Variants in ADAMTS16 observed in about 807,000 individuals in gnomAD.
The protein encoded by ADAMTS16 is A disintegrin and metalloproteinase with thrombospondin motifs 16.
Under a neutral mutation model 145.8 loss-of-function variants are expected in ADAMTS16, and 94 were observed. The ratio of observed to expected loss-of-function variants is 0.64; its 90% CI spans 0.55 to 0.77. The LOEUF (loss-of-function observed/expected upper bound fraction) is 0.77. Among genes scored for constraint, ADAMTS16 ranks in the 30% least tolerant of loss-of-function variants. ADAMTS16 has a pLI of 0.00. For synonymous variants in ADAMTS16, 659 were observed against 604.3 expected (o/e 1.09, Z -1.33); for missense variants, 1,585 against 1,591.5 (o/e 1.00, Z 0.07).
chr5:5,247,125 T>G (rs1439960469), intron 17 of ADAMTS16, among the ~76,000 whole-genome samples: 1 of 152,132 alleles, frequency 6.6e-6, no homozygotes, highest in Non-Finnish European at 1.5e-5. Flanking sequence ...CTGCTTCAAA[T>G]GAGATCTTCC....
Position 5,182,318 on chromosome 5 carries a change from G to T in ADAMTS16, c.763+13G>T, listed in dbSNP as rs571172478. On this transcript the variant is annotated intron_variant, in intron 4 of 22. Transcript: ENST00000274181. ...AGACGCAAGAAATGTATGTAAGGGCGAATCTTTGTGTGTATTTAGTGATGC... is the reference window on the plus strand; with the variant it reads ...AGACGCAAGAAATGTATGTAAGGGCTAATCTTTGTGTGTATTTAGTGATGC... 6.2e-7 allele frequency: 1 copy of T among 1,601,998 alleles called. No individual in the cohort carries two copies. Among genetic ancestry groups the T allele is most frequent in the African/African-American group, 1.3e-5 (1 of 74,628 alleles).
chr5:5,234,416 A>ACAGCCCTGC (rs1488356379), intron 12 of ADAMTS16, among the ~76,000 whole-genome samples: 9 of 152,176 alleles, frequency 5.9e-5, no homozygotes, highest in Non-Finnish European at 1.0e-4. Flanking sequence ...CAGGGTGAGG[A>ACAGCCCTGC]CAGCCCTGCC....
Position 5,180,477 on chromosome 5 carries a change from A to G in ADAMTS16, c.502-1567A>G, listed in dbSNP as rs544676530. On this transcript the variant is annotated intron_variant, in intron 3 of 22. Coordinates refer to ENST00000274181, the MANE Select transcript of ADAMTS16 (RefSeq NM_139056.4). ...ACAGACCTGAACTTGAGTAGTGCAG[A>G]GAGCTATAAAAAGGAAGTATAATCT... 4.6e-5 allele frequency among the ~76,000 whole-genome samples: 7 copies of G among 152,324 alleles called. No homozygotes were observed. In the South Asian group the frequency reaches 1.5e-3, roughly 32 times the overall value.
chr5:5,232,493 G>A lies in ADAMTS16; in HGVS notation c.1827G>A (p.Arg609=), dbSNP rs1217951355. Residue 609 remains arginine, a synonymous_variant, in exon 12 of 23, where the codon AGG becomes AGA. Coordinates refer to ENST00000274181, the MANE Select transcript of ADAMTS16 (RefSeq NM_139056.4). The stretch of plus-strand genomic sequence containing the variant: ...CCTGCGGAGGGGGAGTATCTCATAG[G>A]AGTCGCCTCTGCACCAACCCCAAGT... ...SRTCGGGVSH[R]SRLCTNPKPS... 1.9e-6 allele frequency: 3 copies of A among 1,613,792 alleles called. No homozygotes were observed. The highest frequency in any genetic ancestry group is 4.5e-5 in the East Asian group (2 of 44,878).
In ADAMTS16 at chr5:5,182,301, G is replaced by T. The variant is rs750965156; in HGVS notation, c.759G>T (p.Lys253Asn). 24 of 1,611,398 alleles carry T rather than the reference G, an allele frequency of 1.5e-5. No homozygotes were observed. Among genetic ancestry groups the T allele is most frequent in the Non-Finnish European group, 1.8e-5 (21 of 1,178,052 alleles). The change falls in exon 4 of 23, where the codon AAG (lysine) becomes AAT (asparagine). Residue 253 changes from lysine to asparagine, a missense_variant. Physicochemically the swap from Lys to Asn is moderately conservative, Grantham distance 94. Around this residue, in one of 3 missense-constraint regions of ADAMTS16, gnomAD observed 453 missense variants for 412.1 expected, o/e 1.10. Transcript: ENST00000274181. ...AGCAGCATTTCTGTGGAAGACGCAA[G>T]AAATGTATGTAAGGGCGAATCTTTG... Reference protein sequence around the residue: ...PQKQHFCGRRKKYMPQPPKED... With the variant: ...PQKQHFCGRRNKYMPQPPKED...
chr5:5,295,915 T>C (rs970339448), intron 18 of ADAMTS16, among the ~76,000 whole-genome samples: 2 of 152,228 alleles, frequency 1.3e-5, no homozygotes, highest in African/African-American at 4.8e-5. Flanking sequence ...GTACATCCAT[T>C]ACAACCTTCT....
At chr5:5,301,790 C>T (rs1739784944) in intron 18 of ADAMTS16, among the ~76,000 whole-genome samples, 1 of 152,194 alleles carries the variant, frequency 6.6e-6, no homozygotes, top group South Asian at 2.1e-4. Flanking sequence ...GTTGCCCTAA[C>T]TCTACTCAGC....
chr5:5,292,188 A>G (rs948565687), intron 18 of ADAMTS16, among the ~76,000 whole-genome samples: 6 of 152,296 alleles, frequency 3.9e-5, no homozygotes, highest in African/African-American at 1.4e-4. Flanking sequence ...CTGCAGTCGC[A>G]GTGATCTTTC....
chr5:5,244,288 C>A (rs141198724), intron 17 of ADAMTS16, among the ~76,000 whole-genome samples: 2 of 152,326 alleles, frequency 1.3e-5, no homozygotes, highest in African/African-American at 4.8e-5. Flanking sequence ...CTCTCCTGTT[C>A]TCTCTCTTTC....
At chr5:5,211,769 A>T (rs1237981881) in intron 10 of ADAMTS16, among the ~76,000 whole-genome samples, 1 of 152,144 alleles carries the variant, frequency 6.6e-6, no homozygotes, top group Non-Finnish European at 1.5e-5. Context: ...TTAAGCAAAA[A>T]TATTTTCTAA....
chr5:5,155,781 C>T (rs1231509316), intron 3 of ADAMTS16, among the ~76,000 whole-genome samples: 1 of 151,918 alleles, frequency 6.6e-6, no homozygotes, highest in Non-Finnish European at 1.5e-5. Context: ...AAGTCCACCC[C>T]TGGGAAAAAC....
intron 9 of ADAMTS16, among the ~76,000 whole-genome samples, chr5:5,208,563 G>A (rs190520186): frequency 6.6e-6 from 1 of 152,310 alleles, no homozygotes; most frequent in East Asian, 1.9e-4. Context: ...ATCATCCTGA[G>A]CACAGAGCAT....
chr5:5,272,840 G>T (rs1414181695), intron 18 of ADAMTS16, among the ~76,000 whole-genome samples: 1 of 152,198 alleles, frequency 6.6e-6, no homozygotes, highest in Admixed American at 6.5e-5. Context: ...CATTACTTGA[G>T]TTCAAGAAGC....
chr5:5,148,392 T>A (rs1389482111), intron 3 of ADAMTS16, among the ~76,000 whole-genome samples: 1 of 152,260 alleles, frequency 6.6e-6, no homozygotes, highest in Non-Finnish European at 1.5e-5. Flanking sequence ...TAGCAGGAAA[T>A]GCTCTATATT....
At chr5:5,295,247 T>C (rs1359160689) in intron 18 of ADAMTS16, among the ~76,000 whole-genome samples, 1 of 152,240 alleles carries the variant, frequency 6.6e-6, no homozygotes, top group Non-Finnish European at 1.5e-5. Context: ...GTTTTAAAAT[T>C]TGTATGTTTC....
At chr5:5,306,921 C>T (rs1336190729) in intron 21 of ADAMTS16, among the ~76,000 whole-genome samples, 193 bp downstream of exon 21, 4 of 152,128 alleles carry the variant, frequency 2.6e-5, no homozygotes, top group East Asian at 3.9e-4. Context: ...AGGATGGTCT[C>T]CAAGTGTTGC....
chr5:5,213,862 G>A (rs979867147), intron 10 of ADAMTS16, among the ~76,000 whole-genome samples: 7 of 152,168 alleles, frequency 4.6e-5, no homozygotes, highest in African/African-American at 1.4e-4. Context: ...TCTCCTATGT[G>A]GCAGCTGCTC....
In ADAMTS16 at chr5:5,186,042, C is replaced by T. The variant is rs771613544; in HGVS notation, c.764-10C>T. ...GTGCTTCCATTTGCCCTCCATGTGT[C>T]CCTCCATAGACATGCCCCAGCCTCC... On this transcript the variant is annotated splice_polypyrimidine_tract_variant and intron_variant, in intron 4 of 22. Transcript: ENST00000274181. 4.4e-6 allele frequency: 7 copies of T among 1,606,780 alleles called. No individual in the cohort carries two copies. Among genetic ancestry groups the T allele is most frequent in the Non-Finnish European group, 6.0e-6 (7 of 1,175,934 alleles).
At chr5:5,233,907 A>T (rs1305548947) in intron 12 of ADAMTS16, among the ~76,000 whole-genome samples, 1 of 152,158 alleles carries the variant, frequency 6.6e-6, no homozygotes, top group Admixed American at 6.5e-5. Context: ...TAGGTTTTTG[A>T]GTAATTGCCA....
Sources: allele counts gnomAD v4.1 joint callset (sites outside exome capture counted in the v4.1 genomes callset), GRCh38; gene constraint gnomAD v4.1.1; regional missense constraint gnomAD v4.1.1; transcripts MANE v1.5; gene names NCBI Gene and HGNC (gene_info 2026-07-23, HGNC 2026-07-21).